SAP30BP: variants seen among roughly 807,000 people sequenced by gnomAD.
SAP30BP encodes the protein SAP30 binding protein.
Under a neutral mutation model 46.3 loss-of-function variants are expected in SAP30BP, and 31 were observed. That is an observed-to-expected ratio of 0.67 (90% confidence interval 0.50 to 0.90). The LOEUF (loss-of-function observed/expected upper bound fraction) is 0.90. Among genes scored for constraint, SAP30BP ranks in the 40% least tolerant of loss-of-function variants. The pLI is 0.00. For synonymous variants in SAP30BP, 169 were observed against 144.2 expected, an observed-to-expected ratio of 1.17 and a Z score of -1.23; for missense variants, 312 against 391.0, an observed-to-expected ratio of 0.80 and a Z score of 1.70.
rs764477704 is a variant in SAP30BP at position 75,671,810 on chromosome 17, T to C, written c.217-6T>C. The C allele has an allele frequency of 6.2e-7, 1 of 1,612,126 alleles. No homozygotes were observed. Among genetic ancestry groups the C allele is most frequent in the Non-Finnish European group, 8.5e-7 (1 of 1,178,220 alleles). ...AGCTTAATCCTCTAAATTCTTTGTC[T>C]TGTAGGAAGATGACGATTCAGAGAC... On this transcript the variant is annotated splice_polypyrimidine_tract_variant and splice_region_variant and intron_variant, in intron 2 of 10. Transcript: ENST00000584667.
intron 4 of SAP30BP, among the ~76,000 whole-genome samples, chr17:75,698,145 C>T (rs943047530): frequency 2.6e-5 from 4 of 152,320 alleles, no homozygotes; most frequent in East Asian, 1.9e-4. Flanking sequence ...ACTGCAGTGC[C>T]GGGGTGGCCC....
At chr17:75,671,128 G>A (rs2059901989) in intron 2 of SAP30BP, among the ~76,000 whole-genome samples, 1 of 152,188 alleles carries the variant, frequency 6.6e-6, no homozygotes, top group Non-Finnish European at 1.5e-5. Context: ...TCTGGATAAG[G>A]AACAGGACTG....
intron 3 of SAP30BP, chr17:75,693,132 C>T (rs75267429): frequency 0.013 from 4,262 of 335,346 alleles, 44 homozygotes; most frequent in Non-Finnish European, 0.019. Context: ...GCAGGGTATA[C>T]GTTGCCCAGT....
intron 4 of SAP30BP, 118 bp from the exon 5 acceptor site, chr17:75,699,665 A>G (rs1393003574): frequency 1.0e-5 from 7 of 680,630 alleles, no homozygotes; most frequent in Non-Finnish European, 1.8e-5. Context: ...ACTCAGTTGT[A>G]CTGTTTTCAT....
chr17:75,671,786 G>A (rs2059911353), intron 2 of SAP30BP, 30 bp from the exon 3 acceptor site: 2 of 1,600,190 alleles, frequency 1.2e-6, no homozygotes, highest in Non-Finnish European at 1.7e-6. Flanking sequence ...GCTCCTTTAA[G>A]CTTAATCCTC....
At position 75,696,378 on chromosome 17, in the gene SAP30BP, CA is replaced by C. The variant is rs57619442; in HGVS notation, c.307+2912del. On this transcript the variant is annotated intron_variant, in intron 4 of 10. Transcript: ENST00000584667. ...TGAAACCCCATTTCTACTAAAAATC[CA>C]AAAAAAAAAAAAAAATTAGCCAGGC... Among the ~76,000 whole-genome samples the C allele has an allele frequency of 4.7e-3, 599 of 128,730 alleles. 5 individuals are homozygous for C. Among genetic ancestry groups the C allele is most frequent in the African/African-American group, 8.0e-3 (266 of 33,388 alleles). 84.5% of individuals were successfully genotyped at this position (128,730 alleles called of 152,430 possible). A position where few individuals can be genotyped will look rare whatever the true frequency, so the allele number is the denominator to read the frequency against.
rs773095628 is a variant in SAP30BP at position 75,668,499 on chromosome 17, G to A, written c.107-17G>A. On this transcript the variant is annotated splice_polypyrimidine_tract_variant and intron_variant, in intron 1 of 10. Coordinates refer to ENST00000584667, the MANE Select transcript of SAP30BP (RefSeq NM_013260.8). ...TTTCTTGCTTTTTGTTTGTTTGTTT[G>A]TTTTTTAACCTTTCAGAGGAGAAAG... 4 of 1,411,752 alleles carry A rather than the reference G, an allele frequency of 2.8e-6. No individual in the cohort carries two copies. In the South Asian group the frequency reaches 5.4e-5, roughly 19 times the overall value. The allele number at this position is 1,411,752 out of a possible 1,614,324, so 87.5% of individuals were successfully genotyped here.
At chr17:75,703,932 T>A in intron 8 of SAP30BP, 73 bp downstream of exon 8, 1 of 1,093,762 alleles carries the variant, frequency 9.1e-7, no homozygotes, top group Non-Finnish European at 1.4e-6. Flanking sequence ...CAGTTGGTTA[T>A]CCAGGTGACA....
chr17:75,671,470 T>C (rs2059906686), intron 2 of SAP30BP, among the ~76,000 whole-genome samples: 1 of 152,230 alleles, frequency 6.6e-6, no homozygotes, highest in Non-Finnish European at 1.5e-5. Context: ...GCCTGTTTTA[T>C]TGTGTGGCCT....
intron 2 of SAP30BP, among the ~76,000 whole-genome samples, chr17:75,671,131 C>A (rs556763792): frequency 9.2e-5 from 14 of 152,308 alleles, no homozygotes; most frequent in African/African-American, 3.4e-4. Context: ...GGATAAGGAA[C>A]AGGACTGGGT....
At chr17:75,694,388 TG>T (rs2060283896) in intron 4 of SAP30BP, among the ~76,000 whole-genome samples, 1 of 152,210 alleles carries the variant, frequency 6.6e-6, no homozygotes, top group African/African-American at 2.4e-5. Context: ...TCATTCTATT[TG>T]TCTTTTGAAG....
chr17:75,703,873 C>A lies in SAP30BP; in HGVS notation c.601+14C>A, dbSNP rs1343111458. The A allele has an allele frequency of 1.3e-6, 2 of 1,597,770 alleles. No homozygotes were observed. Among genetic ancestry groups the A allele is most frequent in the Non-Finnish European group, 1.7e-6 (2 of 1,165,196 alleles). ...ATGAGGCATTAGGTAGCCTTTCGTC[C>A]CTCCTCCCATATACCTTGTCCGCCC... is the stretch of plus-strand genomic sequence containing the variant. On this transcript the variant is annotated intron_variant, in intron 8 of 10. Coordinates refer to ENST00000584667, the MANE Select transcript of SAP30BP (RefSeq NM_013260.8).
At chr17:75,699,722 G>T in intron 4 of SAP30BP, 61 bp from the exon 5 acceptor site, 3 of 1,101,116 alleles carry the variant, frequency 2.7e-6, no homozygotes, top group Admixed American at 1.8e-5. Flanking sequence ...ATGTTTTTTT[G>T]TCCATGTCTG....
intron 9 of SAP30BP, chr17:75,705,524 G>A: frequency 1.4e-6 from 1 of 693,966 alleles, no homozygotes; most frequent in Non-Finnish European, 1.8e-6. Flanking sequence ...CGTGGGAGCT[G>A]GTGCAAGGGG....
chr17:75,696,414 C>CGCAA (rs2060319892), intron 4 of SAP30BP, among the ~76,000 whole-genome samples: 3 of 151,306 alleles, frequency 2.0e-5, no homozygotes, highest in African/African-American at 7.3e-5. Context: ...CATGGTGGTA[C>CGCAA]TTGCCTATAG....
chr17:75,673,147 C>T (rs1474039184), intron 3 of SAP30BP, among the ~76,000 whole-genome samples: 4 of 152,116 alleles, frequency 2.6e-5, no homozygotes, highest in African/African-American at 4.8e-5. Flanking sequence ...CCACTAAAAT[C>T]TTGAGACGTT....
rs896050955 is a variant in SAP30BP at position 75,706,744 on chromosome 17, G to A, written c.*223G>A. On this transcript the variant is annotated 3_prime_UTR_variant, in exon 11 of 11. Coordinates refer to ENST00000584667, the MANE Select transcript of SAP30BP (RefSeq NM_013260.8). This position sits in a 1 kb window ranked among gnomAD's most constrained non-coding sequence, Gnocchi z 4.6. ...ACCTGGGGTCTGCCGCCTATTAAAAGTGCCGTATTCTTACCTCTTGGCATC... is the reference window on the plus strand; with the variant it reads ...ACCTGGGGTCTGCCGCCTATTAAAAATGCCGTATTCTTACCTCTTGGCATC... 1 of 571,078 alleles carries A rather than the reference G, an allele frequency of 1.8e-6. No individual in the cohort carries two copies. Among genetic ancestry groups the A allele is most frequent in the Non-Finnish European group, 3.1e-6 (1 of 320,694 alleles). 35.4% of individuals were successfully genotyped at this position (571,078 alleles called of 1,614,324 possible). A position where few individuals can be genotyped will look rare whatever the true frequency, so the allele number is the denominator to read the frequency against.
At chr17:75,702,447 A>C in intron 5 of SAP30BP, 33 bp from the exon 6 acceptor site, 6 of 1,017,366 alleles carry the variant, frequency 5.9e-6, no homozygotes, top group African/African-American at 1.6e-5. Context: ...CTTCTGTCAT[A>C]CACCCCCCCA....
At chr17:75,698,380 GACCCAA>G (rs1222328854) in intron 4 of SAP30BP, among the ~76,000 whole-genome samples, 2 of 152,206 alleles carry the variant, frequency 1.3e-5, no homozygotes, top group Non-Finnish European at 2.9e-5. Context: ...TTTACTTTGG[GACCCAA>G]AACTTAGGGA....
Sources: gnomAD v4.1 joint callset for allele counts (sites outside exome capture counted in the v4.1 genomes callset) on GRCh38, gnomAD v4.1.1 for gene constraint, Gnocchi (gnomAD v3.1) non-coding constraint, MANE v1.5 for transcripts, NCBI Gene and HGNC (gene_info 2026-07-23, HGNC 2026-07-21) for gene names.